SYNE1: variants seen among roughly 807,000 people sequenced by gnomAD.
SYNE1 encodes nesprin-1.
In SYNE1, 616 loss-of-function variants were observed where a neutral mutation model predicts 1,111.0. The ratio of observed to expected loss-of-function variants is 0.55; its 90% CI spans 0.52 to 0.59. The LOEUF (loss-of-function observed/expected upper bound fraction) is 0.59. Among genes scored for constraint, SYNE1 ranks in the 20% least tolerant of loss-of-function variants. The pLI is 0.00. For synonymous variants in SYNE1, 3,855 were observed against 3,825.8 expected (o/e 1.01, Z -0.28); for missense variants, 10,006 against 10,417.0 (o/e 0.96, Z 1.72).
At position 152,419,771 on chromosome 6, in the gene SYNE1, A is replaced by G. The variant is rs778001929; in HGVS notation, c.5268-49T>C. 2.5e-6 allele frequency: 4 copies of G among 1,598,376 alleles called. No homozygotes were observed. In the African/African-American group the frequency reaches 5.4e-5, roughly 21 times the overall value. On this transcript the variant is annotated intron_variant, in intron 39 of 145. Transcript: ENST00000367255. ...TAAAATGTCCCATAAGTAAACAGAA[A>G]GGATTAATGATGTATTTTGGGAATT...
chr6:152,568,289 C>CTTTTTTTTTTTTTTT (rs10601350), intron 3 of SYNE1, among the ~76,000 whole-genome samples: 2 of 80,284 alleles, frequency 2.5e-5, no homozygotes, highest in Non-Finnish European at 4.4e-5. Flanking sequence ...TTATTTTATT[C>CTTTTTTTTTTTTTTT]TTTTTTTTTT....
chr6:152,512,820 A>T (rs1001803427), intron 6 of SYNE1, among the ~76,000 whole-genome samples: 1 of 152,202 alleles, frequency 6.6e-6, no homozygotes, highest in Non-Finnish European at 1.5e-5. Context: ...GCAAAATCCT[A>T]TTGAACTTAC....
intron 7 of SYNE1, 101 bp from the exon 8 acceptor site, chr6:152,510,472 T>G (rs993077672): frequency 5.9e-6 from 8 of 1,362,972 alleles, no homozygotes; most frequent in Non-Finnish European, 8.2e-6. Flanking sequence ...ATGTTAACAC[T>G]CTTGACATTC....
intron 141 of SYNE1, 43 bp from the exon 142 acceptor site, chr6:152,135,275 A>C (rs753005285): frequency 1.8e-5 from 29 of 1,592,986 alleles, no homozygotes; most frequent in Non-Finnish European, 1.8e-5. Context: ...AAATATTTTT[A>C]TTTCTCTCAA....
chr6:152,262,041 TTGTTCC>T lies in SYNE1; in HGVS notation c.18957_18962del (p.Glu6322_Gln6323del), dbSNP rs886042343. Reference sequence around the variant, plus strand: ...GTAAAATATTTGATACCACTTGCTCTTGTTCCTGTTCCAGAACATTCTGTAGTAGTT... The same window carrying T: ...GTAAAATATTTGATACCACTTGCTCTTGTTCCAGAACATTCTGTAGTAGTT... On this transcript the variant is annotated inframe_deletion, in exon 101 of 146. Transcript: ENST00000367255. The T allele has an allele frequency of 6.2e-7, 1 of 1,613,192 alleles. No individual in the cohort carries two copies. Among genetic ancestry groups the T allele is most frequent in the Non-Finnish European group, 8.5e-7 (1 of 1,179,682 alleles).
At chr6:152,460,612 A>C (rs1426423135) in intron 21 of SYNE1, among the ~76,000 whole-genome samples, 2 of 151,896 alleles carry the variant, frequency 1.3e-5, no homozygotes, top group Non-Finnish European at 2.9e-5. Context: ...CTAGAAATTA[A>C]TTACCCAATC....
intron 137 of SYNE1, chr6:152,147,180 G>A (rs1262221068): frequency 2.0e-5 from 3 of 152,220 alleles, no homozygotes; most frequent in Admixed American, 2.0e-4. Context: ...GAGTTCTGGA[G>A]GAGTCTTCTC....
intron 130 of SYNE1, among the ~76,000 whole-genome samples, chr6:152,164,594 G>C (rs922656573): frequency 5.3e-5 from 8 of 152,182 alleles, no homozygotes; most frequent in African/African-American, 1.9e-4. Context: ...GTGTGAGCAA[G>C]GTGTGATCAG....
intron 38 of SYNE1, 179 bp downstream of exon 38, chr6:152,427,514 C>T (rs369586988): frequency 2.9e-6 from 2 of 692,714 alleles, no homozygotes; most frequent in Admixed American, 5.3e-5. Flanking sequence ...AGTTTCTCTC[C>T]CTTTCAGGTC....
intron 32 of SYNE1, among the ~76,000 whole-genome samples, chr6:152,440,176 C>T (rs2098515646): frequency 6.6e-6 from 1 of 152,124 alleles, no homozygotes; most frequent in Non-Finnish European, 1.5e-5. Flanking sequence ...CTTATTTATG[C>T]CCATATTAAC....
intron 12 of SYNE1, 51 bp downstream of exon 12, chr6:152,488,345 A>T (rs769437783): frequency 1.3e-5 from 12 of 931,598 alleles, no homozygotes; most frequent in Admixed American, 9.3e-5. Context: ...ATATATAAAT[A>T]TTAGTCAAAA....
At chr6:152,525,722 A>T (rs1021794022) in intron 5 of SYNE1, among the ~76,000 whole-genome samples, 1 of 152,190 alleles carries the variant, frequency 6.6e-6, no homozygotes, top group Admixed American at 6.5e-5. Context: ...TTTCTTTCTA[A>T]ATGGAAGACA....
At chr6:152,488,165 T>C (rs1336479397) in intron 12 of SYNE1, among the ~76,000 whole-genome samples, 4 of 152,170 alleles carry the variant, frequency 2.6e-5, no homozygotes, top group Non-Finnish European at 5.9e-5. Flanking sequence ...GGAAAAGTGA[T>C]GAAGCCTCAG....
chr6:152,355,975 GAGA>G (rs1213769208), intron 66 of SYNE1, among the ~76,000 whole-genome samples: 3 of 152,088 alleles, frequency 2.0e-5, no homozygotes, highest in Non-Finnish European at 4.4e-5. Flanking sequence ...CACATGGAAG[GAGA>G]AGAACTATAG....
chr6:152,601,794 G>C (rs138913239), intron 3 of SYNE1, among the ~76,000 whole-genome samples: 2 of 152,318 alleles, frequency 1.3e-5, no homozygotes, highest in East Asian at 3.9e-4. Context: ...AGCAGTAGAT[G>C]AAATGAGAAC....
intron 58 of SYNE1, among the ~76,000 whole-genome samples, chr6:152,375,679 C>T (rs1030110332): frequency 3.9e-5 from 6 of 152,178 alleles, no homozygotes; most frequent in East Asian, 3.8e-4. Context: ...ACCTCACTGA[C>T]GCTTTTACCC....
chr6:152,454,168 ACAC>A (rs2098675994), intron 24 of SYNE1, among the ~76,000 whole-genome samples: 1 of 113,180 alleles, frequency 8.8e-6, no homozygotes, highest in African/African-American at 4.6e-5. Context: ...TGTCACATTC[ACAC>A]ATGTGCACAC....
chr6:152,327,193 G>C (rs1257501834), intron 78 of SYNE1, among the ~76,000 whole-genome samples: 1 of 152,052 alleles, frequency 6.6e-6, no homozygotes, highest in African/African-American at 2.4e-5. Flanking sequence ...GGGAGGTTGA[G>C]GCACAAGAAT....
chr6:152,600,715 T>C (rs1018530346), intron 3 of SYNE1, among the ~76,000 whole-genome samples: 6 of 152,212 alleles, frequency 3.9e-5, no homozygotes, highest in Admixed American at 2.0e-4. Context: ...TTTTCCTTGA[T>C]GTTCAGAGAA....
Sources: gnomAD v4.1 joint callset for allele counts (sites outside exome capture counted in the v4.1 genomes callset) on GRCh38, gnomAD v4.1.1 for gene constraint, MANE v1.5 for transcripts, NCBI Gene and HGNC (gene_info 2026-07-23, HGNC 2026-07-21) for gene names.